Variants in TCF7L1 observed in about 807,000 individuals in gnomAD.
TCF7L1 encodes transcription factor 7-like 1.
Under a neutral mutation model 63.7 loss-of-function variants are expected in TCF7L1, and 18 were observed. That is an observed-to-expected ratio of 0.28 (90% CI 0.20 to 0.42). The LOEUF is 0.42. Ranked by LOEUF, TCF7L1 falls within the 10% of genes least tolerant of loss-of-function variation. The pLI is 1.00. For synonymous variants in TCF7L1, 355 were observed against 340.9 expected (o/e 1.04, Z -0.46); for missense variants, 654 against 779.3 (o/e 0.84, Z 1.91).
At chr2:85,295,046 T>A (rs1468021517) in intron 4 of TCF7L1, among the ~76,000 whole-genome samples, 4 of 152,066 alleles carry the variant, frequency 2.6e-5, no homozygotes, top group Admixed American at 2.0e-4. Context: ...AAAATTTTTT[T>A]AAATAAAATT....
At chr2:85,165,547 A>G (rs1678396818) in intron 3 of TCF7L1, among the ~76,000 whole-genome samples, 1 of 152,164 alleles carries the variant, frequency 6.6e-6, no homozygotes, top group Admixed American at 6.5e-5. Flanking sequence ...GGAAATGTGC[A>G]AAGTTCCAGT....
At chr2:85,241,427 C>CTTTGTT (rs1558643482) in intron 3 of TCF7L1, among the ~76,000 whole-genome samples, 7 of 107,268 alleles carry the variant, frequency 6.5e-5, no homozygotes, top group South Asian at 3.1e-4. Context: ...ACTGGATGCA[C>CTTTGTT]TTTGTTTTTG....
intron 3 of TCF7L1, among the ~76,000 whole-genome samples, chr2:85,172,722 G>C (rs190459953): frequency 6.6e-6 from 1 of 152,050 alleles, no homozygotes; most frequent in South Asian, 2.1e-4. Flanking sequence ...CACCGCGCCC[G>C]GCCACCTAGA....
Position 85,171,296 on chromosome 2 carries a change from CGAGATTTAGGTGGGGTCA to C in TCF7L1, c.441+36850_441+36867del, listed in dbSNP as rs1373052618. ...CGTGGGAATTGTGGGAGCTACAATT[CGAGATTTAGGTGGGGTCA>C]GAGCCAAACCACATGAGAAGGATTA... On this transcript the variant is annotated intron_variant, in intron 3 of 11. Transcript: ENST00000282111. Among the ~76,000 whole-genome samples, 4 of 152,282 alleles carry C rather than the reference CGAGATTTAGGTGGGGTCA, an allele frequency of 2.6e-5. No individual in the cohort carries two copies. In the South Asian group the frequency reaches 8.3e-4, roughly 32 times the overall value.
intron 3 of TCF7L1, among the ~76,000 whole-genome samples, chr2:85,224,247 ATACATG>A (rs1260959929): frequency 1.3e-5 from 2 of 152,234 alleles, no homozygotes; most frequent in African/African-American, 4.8e-5. Context: ...CACAGTAAAC[ATACATG>A]TGCATATGTC....
chr2:85,179,727 G>A (rs1455697025), intron 3 of TCF7L1, among the ~76,000 whole-genome samples: 1 of 151,434 alleles, frequency 6.6e-6, no homozygotes, highest in African/African-American at 2.4e-5. Flanking sequence ...GGGCTGGTAC[G>A]GGGAGGGCCC....
chr2:85,198,124 A>G (rs1310050074), intron 3 of TCF7L1, among the ~76,000 whole-genome samples: 1 of 152,166 alleles, frequency 6.6e-6, no homozygotes, highest in Non-Finnish European at 1.5e-5. Context: ...AAACCAAATC[A>G]AGTTGACCAA....
intron 3 of TCF7L1, among the ~76,000 whole-genome samples, chr2:85,222,197 C>T (rs10179888): frequency 0.036 from 5,482 of 151,990 alleles, 319 homozygotes; most frequent in African/African-American, 0.12. Context: ...CAAAATTAAG[C>T]GGGCGTGGTG....
At chr2:85,290,911 C>G (rs1377152239) in intron 4 of TCF7L1, among the ~76,000 whole-genome samples, 1 of 152,242 alleles carries the variant, frequency 6.6e-6, no homozygotes, top group Admixed American at 6.5e-5. Context: ...GAGCTGGGAG[C>G]TGTGCCCCTG....
At chr2:85,238,777 TTTTATTTA>T (rs200688175) in intron 3 of TCF7L1, among the ~76,000 whole-genome samples, 61,111 of 139,014 alleles carry the variant, frequency 0.44, 13,762 homozygotes, top group Admixed American at 0.51. Context: ...TTTTGGAGCA[TTTTATTTA>T]TTTATTTATT....
intron 3 of TCF7L1, among the ~76,000 whole-genome samples, chr2:85,209,337 C>T (rs1156766265): frequency 6.6e-6 from 1 of 152,176 alleles, no homozygotes; most frequent in African/African-American, 2.4e-5. Context: ...TGGCACTTGT[C>T]CTATTCGGGT....
At position 85,218,648 on chromosome 2, in the gene TCF7L1, G is replaced by GC. The variant is rs746536633; in HGVS notation, c.442-64847_442-64846insC. On this transcript the variant is annotated intron_variant, in intron 3 of 11. Transcript: ENST00000282111. The stretch of plus-strand genomic sequence containing the variant: ...TATCTTTTTATTCCAATGGGGGGGG[G>GC]AAAACTGGTGATAGTGTTCTTTCCT... Among the ~76,000 whole-genome samples the GC allele has an allele frequency of 1.9e-4, 29 of 150,434 alleles. 1 individual carries two copies. The highest frequency in any genetic ancestry group is 6.6e-4 in the African/African-American group (27 of 40,992).
intron 3 of TCF7L1, among the ~76,000 whole-genome samples, chr2:85,212,513 A>G (rs1218431938): frequency 2.0e-5 from 3 of 152,174 alleles, no homozygotes; most frequent in African/African-American, 7.2e-5. Flanking sequence ...GGAAGAAGGA[A>G]AACTCATCAC....
At chr2:85,159,221 C>A (rs949803283) in intron 3 of TCF7L1, among the ~76,000 whole-genome samples, 3 of 152,130 alleles carry the variant, frequency 2.0e-5, no homozygotes, top group African/African-American at 7.2e-5. Context: ...TTCTTCCCAG[C>A]CTTTTAGGCC....
At position 85,219,173 on chromosome 2, in the gene TCF7L1, C is replaced by T. The variant is rs546405421; in HGVS notation, c.442-64322C>T. 3.3e-5 allele frequency among the ~76,000 whole-genome samples: 5 copies of T among 152,202 alleles called. No homozygotes were observed. In the East Asian group the frequency reaches 9.6e-4, roughly 29 times the overall value. ...ATCTCAAAAAACAATTTTTTTTCCCCAGAAAATGCTGTTGTATGCTTTCCA... is the reference window on the plus strand; with the variant it reads ...ATCTCAAAAAACAATTTTTTTTCCCTAGAAAATGCTGTTGTATGCTTTCCA... On this transcript the variant is annotated intron_variant, in intron 3 of 11. Coordinates refer to ENST00000282111, the MANE Select transcript of TCF7L1 (RefSeq NM_031283.3).
chr2:85,189,177 T>C (rs1398484890), intron 3 of TCF7L1, among the ~76,000 whole-genome samples: 6 of 152,120 alleles, frequency 3.9e-5, no homozygotes, highest in Non-Finnish European at 8.8e-5. Context: ...CCCTTCCTGG[T>C]CCTATTTAAA....
chr2:85,232,194 C>T (rs745785065), intron 3 of TCF7L1, among the ~76,000 whole-genome samples: 3 of 152,178 alleles, frequency 2.0e-5, no homozygotes, highest in African/African-American at 4.8e-5. Context: ...AATCCATTCT[C>T]GCCTTTGTCT....
At chr2:85,194,415 G>A (rs1679105855) in intron 3 of TCF7L1, among the ~76,000 whole-genome samples, 1 of 152,204 alleles carries the variant, frequency 6.6e-6, no homozygotes, top group Non-Finnish European at 1.5e-5. Context: ...TGTAATCCCA[G>A]CTACTTGGGA....
At chr2:85,209,580 A>G (rs1679497368) in intron 3 of TCF7L1, among the ~76,000 whole-genome samples, 1 of 152,176 alleles carries the variant, frequency 6.6e-6, no homozygotes, top group Non-Finnish European at 1.5e-5. Context: ...AAACCTGGAA[A>G]ATGCCAGGGC....
Sources: gnomAD v4.1 joint callset for allele counts (sites outside exome capture counted in the v4.1 genomes callset) on GRCh38, gnomAD v4.1.1 for gene constraint, MANE v1.5 for transcripts, NCBI Gene and HGNC (gene_info 2026-07-23, HGNC 2026-07-21) for gene names.